The following CAMK1D variants were observed in gnomAD, a reference collection of about 807,000 sequenced individuals.
CAMK1D encodes the protein calcium/calmodulin-dependent protein kinase type 1D.
CAMK1D carries 9 observed loss-of-function variants against 47.7 expected under a neutral mutation model. The ratio of observed to expected loss-of-function variants is 0.19; its 90% confidence interval spans 0.11 to 0.33. The LOEUF is 0.33. Ranked by LOEUF, CAMK1D falls within the 10% of genes least tolerant of loss-of-function variation. The pLI, the probability that CAMK1D is intolerant of heterozygous loss-of-function variation, is 1.00. For synonymous variants in CAMK1D, 184 were observed against 184.9 expected (o/e 0.99, Z 0.04); for missense variants, 291 against 488.7 (o/e 0.60, Z 3.81).
chr10:12,653,623 A>G (rs1443770945), intron 2 of CAMK1D, among the ~76,000 whole-genome samples: 2 of 152,268 alleles, frequency 1.3e-5, no homozygotes, highest in African/African-American at 4.8e-5. Context: ...GCACTTTCCC[A>G]GAATGATGAG....
chr10:12,363,507 G>T (rs539012089), intron 1 of CAMK1D, among the ~76,000 whole-genome samples: 1 of 151,910 alleles, frequency 6.6e-6, no homozygotes, highest in East Asian at 1.9e-4. Flanking sequence ...TGCCCTCTTC[G>T]GCCTCCTCTC....
intron 1 of CAMK1D, among the ~76,000 whole-genome samples, chr10:12,387,445 T>TTATATATATATATATATATATA (rs373637712): frequency 2.6e-4 from 17 of 66,620 alleles, no homozygotes; most frequent in Admixed American, 4.7e-4. Context: ...TATATATATT[T>TTATATATATATATATATATATA]TATATATATA....
intron 3 of CAMK1D, among the ~76,000 whole-genome samples, chr10:12,678,065 AC>A (rs1248037446): frequency 1.3e-5 from 2 of 151,864 alleles, no homozygotes; most frequent in African/African-American, 4.8e-5. Flanking sequence ...AGCCAGTCTT[AC>A]TAGGTTCAAC....
chr10:12,653,652 G>A (rs1334198404), intron 2 of CAMK1D, among the ~76,000 whole-genome samples: 1 of 152,218 alleles, frequency 6.6e-6, no homozygotes, highest in African/African-American at 2.4e-5. Flanking sequence ...TACAGTATGA[G>A]TTCAATCCCC....
chr10:12,615,504 A>G (rs1838758066), intron 2 of CAMK1D, among the ~76,000 whole-genome samples: 1 of 148,762 alleles, frequency 6.7e-6, no homozygotes, highest in Non-Finnish European at 1.5e-5. Flanking sequence ...GTGTACATGT[A>G]TAGTTATGTG....
intron 6 of CAMK1D, among the ~76,000 whole-genome samples, chr10:12,796,184 A>T (rs1293459867): frequency 3.9e-5 from 6 of 152,314 alleles, no homozygotes; most frequent in African/African-American, 1.4e-4. Context: ...ATGTGGGCTA[A>T]CAGCTGAGAA....
chr10:12,562,939 A>G (rs1722933940), intron 2 of CAMK1D, among the ~76,000 whole-genome samples: 1 of 152,252 alleles, frequency 6.6e-6, no homozygotes, highest in Admixed American at 6.5e-5. Context: ...GGAGGAATCT[A>G]TGCTGACTTC....
intron 1 of CAMK1D, among the ~76,000 whole-genome samples, chr10:12,515,418 C>CTTTTTTTTTTTTTTTTTTTT (rs55732103): frequency 1.0e-5 from 1 of 99,010 alleles, no homozygotes; most frequent in Non-Finnish European, 2.0e-5. Flanking sequence ...TTTTTTTTTT[C>CTTTTTTTTTTTTTTTTTTTT]TTTTTTTTTT....
In CAMK1D at chr10:12,835,310, A is replaced by G. The variant is rs1310469711; in HGVS notation, c.*6423A>G. 1.3e-5 allele frequency: 2 copies of G among 152,184 alleles called. No homozygotes were observed. The highest frequency in any genetic ancestry group is 4.8e-5 in the African/African-American group (2 of 41,446). The allele number at this position is 152,184 out of a possible 1,614,324, so 9.4% of individuals were successfully genotyped here. On this transcript the variant is annotated 3_prime_UTR_variant, in exon 11 of 11. Coordinates refer to ENST00000619168, the MANE Select transcript of CAMK1D (RefSeq NM_153498.4). ...GGCTTGCAATTGGTTCAATTTTCCCATAAAAACATGTTTGTCCAAAAGAAG... is the reference window on the plus strand; with the variant it reads ...GGCTTGCAATTGGTTCAATTTTCCCGTAAAAACATGTTTGTCCAAAAGAAG...
intron 9 of CAMK1D, 38 bp downstream of exon 9, chr10:12,824,590 C>T: frequency 6.8e-7 from 1 of 1,475,568 alleles, no homozygotes; most frequent in Non-Finnish European, 9.5e-7. Flanking sequence ...GTGGATTAAC[C>T]CCCTCGTGAC....
chr10:12,365,599 C>T (rs534353480), intron 1 of CAMK1D, among the ~76,000 whole-genome samples: 16 of 152,046 alleles, frequency 1.1e-4, no homozygotes, highest in Admixed American at 4.6e-4. Flanking sequence ...CCACCATGCC[C>T]GGCTAATTTT....
At chr10:12,571,228 C>T (rs766155954) in intron 2 of CAMK1D, among the ~76,000 whole-genome samples, 2 of 151,742 alleles carry the variant, frequency 1.3e-5, no homozygotes, top group Non-Finnish European at 2.9e-5. Context: ...GGGCAGATCA[C>T]GAGGTTAGGA....
At chr10:12,510,577 A>G (rs1225361905) in intron 1 of CAMK1D, among the ~76,000 whole-genome samples, 2 of 152,250 alleles carry the variant, frequency 1.3e-5, no homozygotes, top group African/African-American at 4.8e-5. Flanking sequence ...CTGTGGCTGC[A>G]AGCAAGTCAG....
At chr10:12,583,037 G>C (rs1044674660) in intron 2 of CAMK1D, among the ~76,000 whole-genome samples, 1 of 152,126 alleles carries the variant, frequency 6.6e-6, no homozygotes, top group Non-Finnish European at 1.5e-5. Flanking sequence ...CAGGAGTTGA[G>C]GACCAGCCTA....
At chr10:12,422,693 G>A (rs959202526) in intron 1 of CAMK1D, among the ~76,000 whole-genome samples, 1 of 151,034 alleles carries the variant, frequency 6.6e-6, no homozygotes, top group African/African-American at 2.4e-5. Context: ...TCTTTTTTGA[G>A]ACAGAGTCTC....
intron 1 of CAMK1D, among the ~76,000 whole-genome samples, chr10:12,389,971 G>A (rs1838665275): frequency 6.6e-6 from 1 of 152,098 alleles, no homozygotes; most frequent in Non-Finnish European, 1.5e-5. Context: ...TTTGTGCTGT[G>A]CATGGGAGGT....
intron 1 of CAMK1D, among the ~76,000 whole-genome samples, chr10:12,530,004 C>T (rs1369625799): frequency 6.6e-6 from 1 of 152,196 alleles, no homozygotes; most frequent in African/African-American, 2.4e-5. Context: ...ATGAAAAAGA[C>T]ATTTAGCCAA....
intron 2 of CAMK1D, among the ~76,000 whole-genome samples, chr10:12,569,285 A>G (rs1343462584): frequency 6.6e-6 from 1 of 152,210 alleles, no homozygotes; most frequent in African/African-American, 2.4e-5. Flanking sequence ...TCAACATGTC[A>G]TTTTAGAATT....
intron 3 of CAMK1D, among the ~76,000 whole-genome samples, chr10:12,672,708 G>A (rs1840664546): frequency 6.6e-6 from 1 of 151,696 alleles, no homozygotes; most frequent in African/African-American, 2.4e-5. Context: ...ATCAATTTCA[G>A]GTTAATTTTA....
Sources: allele counts gnomAD v4.1 joint callset (sites outside exome capture counted in the v4.1 genomes callset), GRCh38; gene constraint gnomAD v4.1.1; transcripts MANE v1.5; gene names NCBI Gene and HGNC (gene_info 2026-07-23, HGNC 2026-07-21).